The following PIERCE2 variants were observed in gnomAD, a reference collection of about 807,000 sequenced individuals.
PIERCE2 encodes the protein piercer of microtubule wall 2 protein.
the PIERCE2 span, among the ~76,000 whole-genome samples, chr15:55,412,292 C>G: frequency 9.3e-3 from 1,420 of 152,170 alleles, 16 homozygotes; most frequent in African/African-American, 0.032. Flanking sequence ...TTGTGCTACT[C>G]TTCCAATATA....
At chr15:55,409,063 G>A in the PIERCE2 span, among the ~76,000 whole-genome samples, 2 of 152,102 alleles carry the variant, frequency 1.3e-5, no homozygotes, top group African/African-American at 4.8e-5. Context: ...TTTGTTAATT[G>A]TATACTTATT....
the PIERCE2 span, among the ~76,000 whole-genome samples, chr15:55,412,958 C>T: frequency 6.6e-6 from 1 of 152,084 alleles, no homozygotes; most frequent in Non-Finnish European, 1.5e-5. Flanking sequence ...AGCAAGACCT[C>T]ATCCCTACAA....
chr15:55,412,738 A>G, the PIERCE2 span, among the ~76,000 whole-genome samples: 5 of 152,200 alleles, frequency 3.3e-5, no homozygotes, highest in Non-Finnish European at 7.3e-5. Flanking sequence ...GTGAACAGCC[A>G]GTGCACTCCA....
chr15:55,414,666 G>A, the PIERCE2 span, among the ~76,000 whole-genome samples: 1 of 150,070 alleles, frequency 6.7e-6, no homozygotes, highest in African/African-American at 2.5e-5. Context: ...ATCACCTCAG[G>A]TCAGAAGTCC....
chr15:55,414,829 G>A, the PIERCE2 span, among the ~76,000 whole-genome samples: 1 of 152,082 alleles, frequency 6.6e-6, no homozygotes, highest in East Asian at 1.9e-4. Flanking sequence ...AGTGAGCCGA[G>A]ATGGCGCCAC....
At chr15:55,411,141 T>C in the PIERCE2 span, 1 of 152,184 alleles carries the variant, frequency 6.6e-6, no homozygotes, top group Non-Finnish European at 1.5e-5. Context: ...TGGAAGATCA[T>C]ACATTGAGGT....
the PIERCE2 span, chr15:55,408,538 A>G: frequency 2.7e-6 from 1 of 368,238 alleles, no homozygotes; most frequent in Non-Finnish European, 4.9e-6. Flanking sequence ...TCCAGTTGCT[A>G]TGGTTACGAG....
the PIERCE2 span, among the ~76,000 whole-genome samples, chr15:55,417,245 T>C: frequency 6.6e-6 from 1 of 152,190 alleles, no homozygotes; most frequent in Admixed American, 6.5e-5. Flanking sequence ...CTCTCTATTC[T>C]GATCTCATGA....
At chr15:55,414,047 G>A in the PIERCE2 span, among the ~76,000 whole-genome samples, 48 of 151,386 alleles carry the variant, frequency 3.2e-4, no homozygotes, top group African/African-American at 1.1e-3. Flanking sequence ...ACAGGCGCCC[G>A]CCACCACGCC....
At chr15:55,418,091 G>A in the PIERCE2 span, 225 of 1,580,710 alleles carry the variant, frequency 1.4e-4, 2 homozygotes, top group Middle Eastern at 5.1e-4. Context: ...CTTAGCTTGG[G>A]CTCAGAGGCC....
chr15:55,414,747 G>A, the PIERCE2 span, among the ~76,000 whole-genome samples: 810 of 151,224 alleles, frequency 5.4e-3, 3 homozygotes, highest in Non-Finnish European at 8.9e-3. Flanking sequence ...GCATGGTGGC[G>A]CACGCCTGTA....
chr15:55,412,802 GA>G, the PIERCE2 span, among the ~76,000 whole-genome samples: 1 of 152,068 alleles, frequency 6.6e-6, no homozygotes, highest in African/African-American at 2.4e-5. Flanking sequence ...AGTTGATGAA[GA>G]GTAGATTGAA....
At chr15:55,417,304 CTA>C in the PIERCE2 span, among the ~76,000 whole-genome samples, 1 of 152,130 alleles carries the variant, frequency 6.6e-6, no homozygotes, top group African/African-American at 2.4e-5. Flanking sequence ...GTCCCCACTT[CTA>C]TCTTTTACTT....
chr15:55,410,597 C>T, the PIERCE2 span: 1 of 152,234 alleles, frequency 6.6e-6, no homozygotes, highest in East Asian at 1.9e-4. Context: ...TGCAGTGAGC[C>T]AAGATCACGC....
the PIERCE2 span, chr15:55,418,183 A>G: frequency 1.3e-6 from 2 of 1,560,578 alleles, no homozygotes; most frequent in South Asian, 1.2e-5. Flanking sequence ...TTTTTTCAGA[A>G]CTTTATAATG....
chr15:55,414,211 T>G, the PIERCE2 span, among the ~76,000 whole-genome samples: 1 of 924 alleles, frequency 1.1e-3, no homozygotes, highest in Admixed American at 0.029. Context: ...TTTTTTTTGT[T>G]TTTTTTTTTT....
chr15:55,416,802 T>TA, the PIERCE2 span, among the ~76,000 whole-genome samples: 2 of 151,354 alleles, frequency 1.3e-5, no homozygotes. Flanking sequence ...CTACTAAAAA[T>TA]AAAAAAAAAT....
At chr15:55,410,885 A>C in the PIERCE2 span, 1 of 152,216 alleles carries the variant, frequency 6.6e-6, no homozygotes, top group African/African-American at 2.4e-5. Context: ...GATACCATCA[A>C]AATTTTAAAA....
At chr15:55,411,919 C>A in the PIERCE2 span, among the ~76,000 whole-genome samples, 1 of 137,838 alleles carries the variant, frequency 7.3e-6, no homozygotes, top group African/African-American at 2.5e-5. Flanking sequence ...AAAACTCCTT[C>A]TCACAAAAAA....
Sources: allele counts gnomAD v4.1 joint callset (sites outside exome capture counted in the v4.1 genomes callset), GRCh38; gene constraint gnomAD v4.1.1; transcripts MANE v1.5; gene names NCBI Gene and HGNC (gene_info 2026-07-23, HGNC 2026-07-21).